Variants in TMEM131 observed in about 807,000 individuals in gnomAD.
TMEM131 encodes the protein 2610524E03Rik.
A neutral mutation model predicts 211.6 loss-of-function variants in TMEM131; 66 were observed. The ratio of observed to expected loss-of-function variants is 0.31; its 90% CI spans 0.26 to 0.38. The LOEUF is 0.38. TMEM131 is among the 10% of genes least tolerant of loss of function. The pLI is 1.00. For missense variants in TMEM131, 2,036 were observed against 2,299.3 expected (o/e 0.89, Z 2.34); for synonymous variants, 844 against 841.3 (o/e 1.00, Z -0.06).
intron 1 of TMEM131, among the ~76,000 whole-genome samples, chr2:97,947,101 C>G (rs973142268): frequency 1.3e-5 from 2 of 152,042 alleles, no homozygotes; most frequent in Admixed American, 6.5e-5. Flanking sequence ...ATACAGCTAT[C>G]ATCATACTTA....
intron 4 of TMEM131, among the ~76,000 whole-genome samples, chr2:97,876,438 C>G (rs909113934): frequency 4.8e-4 from 73 of 152,286 alleles, no homozygotes; most frequent in African/African-American, 1.6e-3. Context: ...CTGATGAACA[C>G]TGGTGCAAAA....
chr2:97,893,069 G>A (rs976510361), intron 3 of TMEM131, among the ~76,000 whole-genome samples: 23 of 151,684 alleles, frequency 1.5e-4, no homozygotes, highest in Admixed American at 1.4e-3. Flanking sequence ...CCCGACAGGC[G>A]TGTGATGTTC....
In TMEM131 at chr2:97,812,568, A is replaced by G. The variant is rs1447147654; in HGVS notation, c.1729-13T>C. ...TTTTTATAGCCAACTTTAAAAAAAG[A>G]TATGAAAATGATTATCACAACACAA... On this transcript the variant is annotated splice_polypyrimidine_tract_variant and intron_variant, in intron 16 of 40. Transcript: ENST00000186436. 1 of 1,596,796 alleles carries G rather than the reference A, an allele frequency of 6.3e-7. No individual in the cohort carries two copies. The highest frequency in any genetic ancestry group is 8.5e-7 in the Non-Finnish European group (1 of 1,174,854).
rs569115266 is a variant in TMEM131, at chr2:97,833,596, G to A, written c.1013-170C>T. Among the ~76,000 whole-genome samples, 54 of 151,404 alleles carry A rather than the reference G, an allele frequency of 3.6e-4. 1 individual carries two copies. The highest frequency in any genetic ancestry group is 3.4e-3 in the Admixed American group (52 of 15,184). On this transcript the variant is annotated intron_variant, in intron 10 of 40. Transcript: ENST00000186436. The stretch of plus-strand genomic sequence containing the variant: ...TAATTGCTTTACTCATAAGGACATT[G>A]TGTATTATAAGAACTGTTCCCTCTT...
Position 97,797,407 on chromosome 2 carries a change from G to A in TMEM131, c.2828C>T (p.Thr943Ile). The stretch of plus-strand genomic sequence containing the variant: ...AGAAACAGTTCTGTTGTGAACTGGA[G>A]TAAACTTTACTTTGACAGATTTCTT... Reference protein sequence around the residue: ...GEKKSVKVKFTPVHNRTVSSL... With the variant: ...GEKKSVKVKFIPVHNRTVSSL... Residue 943 changes from threonine (T) to isoleucine (I), a missense_variant, in exon 26 of 41, where the codon ACT becomes ATT. Transcript: ENST00000186436. The A allele has an allele frequency of 6.8e-6, 11 of 1,612,332 alleles. No homozygotes were observed. Among genetic ancestry groups the A allele is most frequent in the Non-Finnish European group, 9.3e-6 (11 of 1,179,612 alleles).
Position 97,796,997 on chromosome 2 carries a change from A to G in TMEM131, c.2871-11T>C, listed in dbSNP as rs1680798516. 25 of 1,603,630 alleles carry G rather than the reference A, an allele frequency of 1.6e-5. No homozygotes were observed. Among genetic ancestry groups the G allele is most frequent in the Non-Finnish European group, 2.1e-5 (25 of 1,175,552 alleles). Reference sequence around the variant, plus strand: ...ACAGTCAGGTTATTTCTATGCAAGAATGAGAATTACAGATTTTTCTCTCAT... The same window carrying G: ...ACAGTCAGGTTATTTCTATGCAAGAGTGAGAATTACAGATTTTTCTCTCAT... On this transcript the variant is annotated splice_polypyrimidine_tract_variant and intron_variant, in intron 26 of 40. Transcript: ENST00000186436.
At chr2:97,880,785 G>A (rs1243562401) in intron 4 of TMEM131, among the ~76,000 whole-genome samples, 1 of 152,150 alleles carries the variant, frequency 6.6e-6, no homozygotes, top group East Asian at 1.9e-4. Context: ...AGAGTTGGTT[G>A]AAATGAGGTG....
chr2:97,970,534 G>A (rs1006124217), intron 1 of TMEM131, among the ~76,000 whole-genome samples: 1 of 152,236 alleles, frequency 6.6e-6, no homozygotes, highest in South Asian at 2.1e-4. Context: ...ATTTGCCCAA[G>A]GACACACACA....
At chr2:97,767,953 A>G (rs972054467) in intron 33 of TMEM131, among the ~76,000 whole-genome samples, 2 of 152,352 alleles carry the variant, frequency 1.3e-5, no homozygotes, top group Middle Eastern at 3.4e-3. Context: ...TAACGGCACC[A>G]TAACACCCTC....
chr2:97,857,422 C>G (rs148340911), intron 5 of TMEM131, among the ~76,000 whole-genome samples: 74 of 152,142 alleles, frequency 4.9e-4, no homozygotes, highest in African/African-American at 1.5e-3. Context: ...CTCTGTATTA[C>G]GGTAGCAATG....
At chr2:97,778,122 T>C (rs1227041027) in intron 31 of TMEM131, among the ~76,000 whole-genome samples, 1 of 152,356 alleles carries the variant, frequency 6.6e-6, no homozygotes, top group Admixed American at 6.5e-5. Context: ...TCTGTATAAA[T>C]AATCTATATT....
chr2:97,995,102 A>T (rs966527950), intron 1 of TMEM131, among the ~76,000 whole-genome samples: 5 of 152,276 alleles, frequency 3.3e-5, no homozygotes, highest in Admixed American at 1.3e-4. Flanking sequence ...ACCACATTTT[A>T]AAGTAAGCTC....
rs117588553 is a variant in TMEM131 at position 97,832,769 on chromosome 2, C to T, written c.1074+596G>A. On this transcript the variant is annotated intron_variant, in intron 11 of 40. Coordinates refer to ENST00000186436, the MANE Select transcript of TMEM131 (RefSeq NM_015348.2). ...GGGCCAAGGCAAAACTTAGATATCC[C>T]TTTTTTTCCTAAAACTATCTAACGG... 2.4e-3 allele frequency among the ~76,000 whole-genome samples: 371 copies of T among 152,254 alleles called. 5 individuals carry two copies. In the East Asian group the frequency reaches 0.026, roughly 11 times the overall value.
intron 4 of TMEM131, among the ~76,000 whole-genome samples, chr2:97,864,890 C>T (rs554307828): frequency 6.6e-6 from 1 of 152,304 alleles, no homozygotes; most frequent in African/African-American, 2.4e-5. Flanking sequence ...AATAGAAAAG[C>T]TTGCCAGGGT....
intron 1 of TMEM131, 84 bp from the exon 2 acceptor site, chr2:97,927,571 A>G (rs1196779617): frequency 1.8e-6 from 2 of 1,107,138 alleles, no homozygotes; most frequent in Admixed American, 3.4e-5. Flanking sequence ...GTTAATTAAT[A>G]TAATTTTATA....
chr2:97,911,353 T>C (rs1389497814), intron 2 of TMEM131, among the ~76,000 whole-genome samples: 3 of 152,232 alleles, frequency 2.0e-5, no homozygotes, highest in African/African-American at 2.4e-5. Flanking sequence ...CGTATGTCCA[T>C]TATCTTGATT....
At chr2:97,924,111 A>G (rs1676876911) in intron 2 of TMEM131, among the ~76,000 whole-genome samples, 1 of 151,658 alleles carries the variant, frequency 6.6e-6, no homozygotes, top group Middle Eastern at 3.4e-3. Flanking sequence ...GAGGCCGAGC[A>G]TGGTGACTCA....
At chr2:97,911,543 A>G (rs1429225926) in intron 2 of TMEM131, 1 of 715,738 alleles carries the variant, frequency 1.4e-6, no homozygotes, top group Non-Finnish European at 1.7e-6. Flanking sequence ...TGTATCACTC[A>G]TGTGCACTTT....
chr2:97,972,843 G>C (rs937129012), intron 1 of TMEM131, among the ~76,000 whole-genome samples: 1 of 152,054 alleles, frequency 6.6e-6, no homozygotes, highest in Non-Finnish European at 1.5e-5. Flanking sequence ...CAGGGGAAGG[G>C]GCTACAAGCC....
Sources: gnomAD v4.1 joint callset for allele counts (sites outside exome capture counted in the v4.1 genomes callset) on GRCh38, gnomAD v4.1.1 for gene constraint, MANE v1.5 for transcripts, NCBI Gene and HGNC (gene_info 2026-07-23, HGNC 2026-07-21) for gene names.